Variants in LYRM9 observed in about 807,000 individuals in gnomAD.
The protein encoded by LYRM9 is LYR motif-containing protein 9.
Under a neutral mutation model 12.6 loss-of-function variants are expected in LYRM9, and 14 were observed. The observed-to-expected ratio is 1.11, with a 90% CI of 0.73 to 1.73. The LOEUF is 1.73. LYRM9 is among the 40% of genes most tolerant of loss of function. The pLI, the probability that LYRM9 is intolerant of heterozygous loss-of-function variation, is 0.00. For synonymous variants in LYRM9, 42 were observed against 35.1 expected, an observed-to-expected ratio of 1.20 and a Z score of -0.69; for missense variants, 94 against 95.0, an observed-to-expected ratio of 0.99 and a Z score of 0.04.
chr17:27,882,622 G>C lies in LYRM9; in HGVS notation c.73C>G (p.Gln25Glu), dbSNP rs776990405. The change falls in exon 2 of 4, where the codon CAG becomes GAG. Residue 25 changes from glutamine to glutamate, a missense_variant. Transcript: ENST00000379102. ...TGGATGCCCTTGGTCGGCAGCTGCTGGCAACAGCGCAGCAAGTATCGGTAG... is the reference window on the plus strand; with the variant it reads ...TGGATGCCCTTGGTCGGCAGCTGCTCGCAACAGCGCAGCAAGTATCGGTAG... The part of the protein sequence containing the change: ...QLYRYLLRCC[Q>E]QLPTKGIQQH... 6.3e-7 allele frequency: 1 copy of C among 1,599,520 alleles called. No individual in the cohort carries two copies. The highest frequency in any genetic ancestry group is 1.7e-5 in the Admixed American group (1 of 58,296).
intron 1 of LYRM9, among the ~76,000 whole-genome samples, chr17:27,887,713 GGTGT>G (rs59760752): frequency 0.1 from 8,979 of 86,488 alleles, 234 homozygotes; most frequent in South Asian, 0.17. Flanking sequence ...TAGGAGGGAG[GGTGT>G]GTGTGTGTGT....
Position 27,886,686 on chromosome 17 carries a change from G to A in LYRM9, c.-18-3974C>T, listed in dbSNP as rs1905245091. Reference sequence around the variant, plus strand: ...TTTTTTGAGACAGAGTTTCGCTCTTGTTGCCCAGGCTGGAGTGCAATGGCG... The same window carrying A: ...TTTTTTGAGACAGAGTTTCGCTCTTATTGCCCAGGCTGGAGTGCAATGGCG... On this transcript the variant is annotated intron_variant, in intron 1 of 3. Coordinates refer to ENST00000379102, the MANE Select transcript of LYRM9 (RefSeq NM_001076680.3). The surrounding 1 kb of genome is among the most constrained non-coding windows in gnomAD (Gnocchi z 4.8). Among the ~76,000 whole-genome samples the A allele has an allele frequency of 7.1e-6, 1 of 141,200 alleles. No homozygotes were observed. Among genetic ancestry groups the A allele is most frequent in the Non-Finnish European group, 1.5e-5 (1 of 65,900 alleles). 92.6% of individuals were successfully genotyped at this position (141,200 alleles called of 152,430 possible).
At chr17:27,880,243 C>T (rs942786149) in intron 3 of LYRM9, 31 bp downstream of exon 3, 3 of 1,537,934 alleles carry the variant, frequency 2.0e-6, no homozygotes, top group South Asian at 1.2e-5. Flanking sequence ...CACCCCAGCT[C>T]GCAGGCAGAG....
intron 3 of LYRM9, chr17:27,879,735 G>A (rs1904974609): frequency 5.5e-6 from 3 of 548,660 alleles, no homozygotes; most frequent in East Asian, 6.2e-5. Flanking sequence ...AACTCACTCT[G>A]GAGAGTGAGT....
In LYRM9 at chr17:27,882,754, T is replaced by C. The variant is rs1905106550; in HGVS notation, c.-18-42A>G. On this transcript the variant is annotated intron_variant, in intron 1 of 3. Transcript: ENST00000379102. ...ATCACTTCCAGGGCATCAAGCCAAG[T>C]TCAGTACTCAGCCCTGACCCCCAGT... 16 of 1,526,564 alleles carry C rather than the reference T, an allele frequency of 1.0e-5. No individual in the cohort carries two copies. The East Asian group carries it at 3.8e-4, about 37-fold the overall frequency. 94.6% of individuals were successfully genotyped at this position (1,526,564 alleles called of 1,614,324 possible).
chr17:27,891,108 G>T (rs765826514), intron 1 of LYRM9, among the ~76,000 whole-genome samples: 2 of 151,922 alleles, frequency 1.3e-5, no homozygotes, highest in Non-Finnish European at 2.9e-5. Context: ...TGCCACCCAA[G>T]AACACTTCCT....
At position 27,879,364 on chromosome 17, in the gene LYRM9, G is replaced by T; in HGVS notation, c.*109C>A. 1 of 1,269,632 alleles carries T rather than the reference G, an allele frequency of 7.9e-7. No homozygotes were observed. Among genetic ancestry groups the T allele is most frequent in the Non-Finnish European group, 1.1e-6 (1 of 934,062 alleles). The allele number at this position is 1,269,632 out of a possible 1,614,324, so 78.6% of individuals were successfully genotyped here. A position where few individuals can be genotyped will look rare whatever the true frequency, so the allele number is the denominator to read the frequency against. On this transcript the variant is annotated 3_prime_UTR_variant, in exon 4 of 4. Coordinates refer to ENST00000379102, the MANE Select transcript of LYRM9 (RefSeq NM_001076680.3). Reference sequence around the variant, plus strand: ...AGGTCAGCTTCTCCCCTGATTTCTGGCTTTCAGCCAACAAGGCCAATGGCT... The same window carrying T: ...AGGTCAGCTTCTCCCCTGATTTCTGTCTTTCAGCCAACAAGGCCAATGGCT...
At chr17:27,888,375 A>AGG (rs1905306586) in intron 1 of LYRM9, among the ~76,000 whole-genome samples, 2 of 152,240 alleles carry the variant, frequency 1.3e-5, no homozygotes, top group South Asian at 4.2e-4. Flanking sequence ...AAGGGTATCC[A>AGG]CCTGCCCTCA....
intron 1 of LYRM9, among the ~76,000 whole-genome samples, chr17:27,889,694 T>C (rs573715234): frequency 6.6e-6 from 1 of 152,254 alleles, no homozygotes; most frequent in African/African-American, 2.4e-5. Context: ...GGGGGTCTGT[T>C]ATATCAACTC....
chr17:27,880,320 T>C lies in LYRM9; in HGVS notation c.173A>G (p.Gln58Arg). The change falls in exon 3 of 4, where the codon CAG becomes CGG. Residue 58 changes from glutamine to arginine, a missense_variant. By Grantham distance (43) the Gln-to-Arg change is conservative. Transcript: ENST00000379102. ...ATCTTCAATGGCTCTTTTAATAATC[T>C]GCTGGATTCTCTCAGGGTTGTCTTC... ...SDEDNPERIQ[Q>R]IIKRAIEDAD... 6.2e-7 allele frequency: 1 copy of C among 1,610,434 alleles called. No homozygotes were observed. The highest frequency in any genetic ancestry group is 8.5e-7 in the Non-Finnish European group (1 of 1,178,182).
At chr17:27,879,805 C>A in intron 3 of LYRM9, 1 of 544,336 alleles carries the variant, frequency 1.8e-6, no homozygotes, top group South Asian at 2.4e-5. Flanking sequence ...ATACCAGCAT[C>A]TAAGGGCCAA....
At chr17:27,885,701 CAA>C (rs61615628) in intron 1 of LYRM9, among the ~76,000 whole-genome samples, 77 of 29,366 alleles carry the variant, frequency 2.6e-3, no homozygotes, top group African/African-American at 7.1e-3. Context: ...AACTCTGTCT[CAA>C]AAAAAAAAAA....
intron 1 of LYRM9, among the ~76,000 whole-genome samples, chr17:27,887,715 T>A (rs62066312): frequency 0.021 from 644 of 30,282 alleles, 3 homozygotes; most frequent in African/African-American, 0.043. Context: ...GGAGGGAGGG[T>A]GTGTGTGTGT....
intron 3 of LYRM9, chr17:27,879,703 G>GCTGGGGAGGGAGGATAGTGATAACTCACT: frequency 1.8e-6 from 1 of 567,466 alleles, no homozygotes; most frequent in Non-Finnish European, 3.1e-6. Flanking sequence ...AGCTGACAGG[G>GCTGGGGAGGGAGGATAGTGATAACTCACT]CTGGGGAGGG....
At chr17:27,885,647 G>A (rs1905206534) in intron 1 of LYRM9, among the ~76,000 whole-genome samples, 1 of 143,934 alleles carries the variant, frequency 6.9e-6, no homozygotes, top group African/African-American at 2.6e-5. Flanking sequence ...ACTGCAGTGA[G>A]CTGTGATCAC....
At chr17:27,883,114 TGCC>T (rs1392470127) in intron 1 of LYRM9, 4 of 457,232 alleles carry the variant, frequency 8.7e-6, no homozygotes, top group Non-Finnish European at 1.8e-5. Flanking sequence ...GAGGGGAGAA[TGCC>T]TACAGGCCTG....
rs546128877 is a variant in LYRM9, at chr17:27,884,751, C to G, written c.-18-2039G>C. Among the ~76,000 whole-genome samples, 5 of 151,704 alleles carry G rather than the reference C, an allele frequency of 3.3e-5. No individual in the cohort carries two copies. In the East Asian group the frequency reaches 9.7e-4, roughly 29 times the overall value. On this transcript the variant is annotated intron_variant, in intron 1 of 3. Coordinates refer to ENST00000379102, the MANE Select transcript of LYRM9 (RefSeq NM_001076680.3). ...GAATGAAGCTACTATCTCCTCTGTA[C>G]AGAGATGCCCCTTATGTTCCAGATG...
intron 1 of LYRM9, chr17:27,891,927 C>CT (rs139787914): frequency 0.78 from 103,740 of 132,912 alleles, 41,161 homozygotes; most frequent in African/African-American, 0.92. Flanking sequence ...GCTTGAACAT[C>CT]TTTTTTTTTT....
intron 2 of LYRM9, chr17:27,881,094 G>C (rs193267157): frequency 6.6e-6 from 1 of 152,004 alleles, no homozygotes; most frequent in African/African-American, 2.4e-5. Flanking sequence ...AAAGTTAGTC[G>C]GGCGTGGTGG....
Sources: gnomAD v4.1 joint callset for allele counts (sites outside exome capture counted in the v4.1 genomes callset) on GRCh38, gnomAD v4.1.1 for gene constraint, Gnocchi (gnomAD v3.1) non-coding constraint, MANE v1.5 for transcripts, NCBI Gene and HGNC (gene_info 2026-07-23, HGNC 2026-07-21) for gene names.